The following RAP1B variants were observed in gnomAD, a reference collection of about 807,000 sequenced individuals.
The protein encoded by RAP1B is ras-related protein Rap-1b.
RAP1B carries 1 observed loss-of-function variant against 27.5 expected under a neutral mutation model. That is an observed-to-expected ratio of 0.04 (90% CI 0.01 to 0.17). RAP1B has a LOEUF of 0.17. RAP1B is among the 10% of genes least tolerant of loss of function. RAP1B has a pLI of 1.00. For missense variants in RAP1B, 84 were observed against 214.8 expected (o/e 0.39, Z 3.81); for synonymous variants, 75 against 73.1 (o/e 1.03, Z -0.13).
intron 1 of RAP1B, chr12:68,642,444 C>T (rs904489428): frequency 5.9e-5 from 41 of 700,604 alleles, no homozygotes; most frequent in Admixed American, 1.7e-4. Context: ...TATTGGTCTA[C>T]TGTATAATTA....
At chr12:68,625,530 C>T (rs1432957789) in intron 1 of RAP1B, among the ~76,000 whole-genome samples, 1 of 152,106 alleles carries the variant, frequency 6.6e-6, no homozygotes, top group African/African-American at 2.4e-5. Flanking sequence ...GGGAATTTTC[C>T]ATTAGGAATA....
At chr12:68,644,635 T>C (rs1328165795) in intron 1 of RAP1B, among the ~76,000 whole-genome samples, 2 of 151,196 alleles carry the variant, frequency 1.3e-5, no homozygotes, top group South Asian at 2.1e-4. Flanking sequence ...CAGTCCTCTT[T>C]AGTGTACTGA....
chr12:68,652,142 C>T lies in RAP1B; in HGVS notation c.183+91C>T, dbSNP rs1873855598. The T allele has an allele frequency of 4.8e-6, 5 of 1,045,266 alleles. No individual in the cohort carries two copies. The South Asian group carries it at 6.5e-5, about 14-fold the overall frequency. The allele number at this position is 1,045,266 out of a possible 1,614,324, so 64.7% of individuals were successfully genotyped here. On this transcript the variant is annotated intron_variant, in intron 4 of 7. Transcript: ENST00000250559. ...ACTCTATAGACAAATATTAGTTAAG[C>T]TTATTTAAAAGTACTGCTTGCAGCC...
At chr12:68,648,852 A>G in intron 2 of RAP1B, 71 bp downstream of exon 2, 4 of 1,366,956 alleles carry the variant, frequency 2.9e-6, no homozygotes, top group East Asian at 2.3e-5. Context: ...TTAGGTTTTG[A>G]TGATTTGTCT....
intron 1 of RAP1B, among the ~76,000 whole-genome samples, chr12:68,615,852 T>C (rs1870952141): frequency 6.6e-6 from 1 of 152,186 alleles, no homozygotes; most frequent in Admixed American, 6.5e-5. Context: ...GAATTCTGGT[T>C]TCATAACTTG....
chr12:68,611,167 C>T (rs1291248697), intron 1 of RAP1B, 124 bp downstream of exon 1: 1 of 146,256 alleles, frequency 6.8e-6, no homozygotes, highest in Non-Finnish European at 1.5e-5. Context: ...GGTCAGGGGC[C>T]CCGGCGGCGG....
intron 1 of RAP1B, among the ~76,000 whole-genome samples, chr12:68,648,390 A>G (rs1488367218): frequency 6.6e-6 from 1 of 152,268 alleles, no homozygotes; most frequent in Non-Finnish European, 1.5e-5. Flanking sequence ...AAGAAACCAC[A>G]GACAATACAC....
chr12:68,646,858 G>GT (rs920678919), intron 1 of RAP1B, among the ~76,000 whole-genome samples: 3 of 152,046 alleles, frequency 2.0e-5, no homozygotes, highest in East Asian at 1.9e-4. Flanking sequence ...TTTTTATTTA[G>GT]TTTTTTCTAG....
Position 68,650,455 on chromosome 12 carries a change from A to G in RAP1B, c.113A>G (p.Asp38Gly). 6.4e-7 allele frequency: 1 copy of G among 1,552,998 alleles called. No individual in the cohort carries two copies. Among genetic ancestry groups the G allele is most frequent in the Non-Finnish European group, 8.7e-7 (1 of 1,147,210 alleles). Reference sequence around the variant, plus strand: ...GAAAAATACGATCCTACGATAGAAGATTCTTATAGAAAGGTATATATTACT... The same window carrying G: ...GAAAAATACGATCCTACGATAGAAGGTTCTTATAGAAAGGTATATATTACT... ...FVEKYDPTIEDSYRKQVEVDA... is the reference protein window; with the variant it reads ...FVEKYDPTIEGSYRKQVEVDA... Residue 38 changes from aspartate (D) to glycine (G), a missense_variant, in exon 3 of 8, where the codon GAT becomes GGT. Physicochemically the swap from Asp to Gly is moderately conservative, Grantham distance 94. Coordinates refer to ENST00000250559, the MANE Select transcript of RAP1B (RefSeq NM_001010942.3).
chr12:68,649,032 G>A (rs2135959461), intron 2 of RAP1B: 2 of 414,816 alleles, frequency 4.8e-6, no homozygotes, highest in Middle Eastern at 6.6e-4. Context: ...GAGATTGAGA[G>A]CGTACAAATA....
intron 4 of RAP1B, among the ~76,000 whole-genome samples, 188 bp from the exon 5 acceptor site, chr12:68,653,924 C>T (rs1225213289): frequency 1.3e-5 from 2 of 149,700 alleles, no homozygotes; most frequent in Non-Finnish European, 3.0e-5. Flanking sequence ...AGCAAGACTC[C>T]GTCTCAAAAA....
intron 1 of RAP1B, among the ~76,000 whole-genome samples, chr12:68,624,245 A>G (rs1345795760): frequency 6.6e-6 from 1 of 152,172 alleles, no homozygotes; most frequent in Non-Finnish European, 1.5e-5. Flanking sequence ...ACCTCATTCT[A>G]TAATTGCAGA....
chr12:68,619,580 A>C (rs1405368677), intron 1 of RAP1B, among the ~76,000 whole-genome samples: 1 of 152,218 alleles, frequency 6.6e-6, no homozygotes, highest in East Asian at 1.9e-4. Flanking sequence ...GCTTTGGTGT[A>C]GTGTCAAAGA....
At position 68,654,156 on chromosome 12, in the gene RAP1B, A is replaced by G; in HGVS notation, c.228A>G (p.Gln76=). 1 of 1,599,936 alleles carries G rather than the reference A, an allele frequency of 6.3e-7. No homozygotes were observed. Among genetic ancestry groups the G allele is most frequent in the African/African-American group, 1.3e-5 (1 of 74,704 alleles). ...AMRDLYMKNG[Q]GFALVYSITA... ...GGGATTTATACATGAAAAATGGACA[A>G]GGATTTGCATTAGTTTATTCCATCA... The change falls in exon 5 of 8, where the codon CAA becomes CAG. Residue 76 remains glutamine, a synonymous_variant. Coordinates refer to ENST00000250559, the MANE Select transcript of RAP1B (RefSeq NM_001010942.3).
chr12:68,619,283 G>GA (rs752643055), intron 1 of RAP1B, among the ~76,000 whole-genome samples: 49 of 152,128 alleles, frequency 3.2e-4, no homozygotes, highest in Non-Finnish European at 5.6e-4. Context: ...TTGCTTTAGG[G>GA]AAAATAGTGG....
chr12:68,627,520 C>T (rs1182743829), intron 1 of RAP1B: 2 of 250,012 alleles, frequency 8.0e-6, no homozygotes, highest in African/African-American at 2.3e-5. Flanking sequence ...TGGGCCTTCA[C>T]ATTTAAATTT....
rs567065562 is a variant in RAP1B at position 68,640,068 on chromosome 12, T to C, written c.-26-8631T>C. ...GTTGGTCAGGATGGTCTCCATCTCC[T>C]GACCTCGTGATCCACCCACCTCAGC... On this transcript the variant is annotated intron_variant, in intron 1 of 7. Coordinates refer to ENST00000250559, the MANE Select transcript of RAP1B (RefSeq NM_001010942.3). Among the ~76,000 whole-genome samples, 99 of 152,182 alleles carry C rather than the reference T, an allele frequency of 6.5e-4. 1 individual carries two copies. Among genetic ancestry groups the C allele is most frequent in the African/African-American group, 2.2e-3 (93 of 41,528 alleles).
intron 4 of RAP1B, among the ~76,000 whole-genome samples, chr12:68,652,458 A>G (rs766701810): frequency 6.6e-6 from 1 of 152,112 alleles, no homozygotes; most frequent in African/African-American, 2.4e-5. Flanking sequence ...CTGTGTCAAA[A>G]AAAAACATAA....
Position 68,661,843 on chromosome 12 carries a change from A to C in RAP1B, c.*2594A>C, listed in dbSNP as rs1874608661. On this transcript the variant is annotated 3_prime_UTR_variant, in exon 8 of 8. Coordinates refer to ENST00000250559, the MANE Select transcript of RAP1B (RefSeq NM_001010942.3). ...TGGATGGTTTACTATATAGTGAATA[A>C]GAATATAAAGTTTGGAGCCAGACTT... 4 of 152,106 alleles carry C rather than the reference A, an allele frequency of 2.6e-5. No individual in the cohort carries two copies. Among genetic ancestry groups the C allele is most frequent in the African/African-American group, 7.2e-5 (3 of 41,500 alleles). The allele number at this position is 152,106 out of a possible 1,614,324, so 9.4% of individuals were successfully genotyped here.
Sources: gnomAD v4.1 joint callset for allele counts (sites outside exome capture counted in the v4.1 genomes callset) on GRCh38, gnomAD v4.1.1 for gene constraint, MANE v1.5 for transcripts, NCBI Gene and HGNC (gene_info 2026-07-23, HGNC 2026-07-21) for gene names.